Variants in ZNF425 observed in about 807,000 individuals in gnomAD.
ZNF425 encodes the protein zinc finger protein 425.
A neutral mutation model predicts 17.0 loss-of-function variants in ZNF425; 21 were observed. The ratio of observed to expected loss-of-function variants is 1.23; its 90% CI spans 0.88 to 1.78. ZNF425 has a LOEUF of 1.78. Ranked by LOEUF, ZNF425 falls within the 40% of genes most tolerant of loss-of-function variation. ZNF425 has a pLI of 0.00. For missense variants in ZNF425, 868 were observed against 967.3 expected (o/e 0.90, Z 1.36); for synonymous variants, 433 against 384.1 (o/e 1.13, Z -1.49).
intron 1 of ZNF425, among the ~76,000 whole-genome samples, chr7:149,119,391 A>G (rs1826316352): frequency 6.6e-6 from 1 of 152,170 alleles, no homozygotes; most frequent in Admixed American, 6.6e-5. Context: ...TGGCCCAAAA[A>G]TTATTTTTAA....
chr7:149,113,212 A>T (rs1969467), intron 2 of ZNF425: 89,508 of 150,664 alleles, frequency 0.59, 28,054 homozygotes, highest in East Asian at 0.9. Context: ...TGACCTCAAG[A>T]GATCCACCCA....
chr7:149,109,164 G>A lies in ZNF425; in HGVS notation c.304+2973C>T, dbSNP rs181797566. Among the ~76,000 whole-genome samples the A allele has an allele frequency of 1.9e-3, 278 of 149,170 alleles. No individual in the cohort carries two copies. In the Middle Eastern group the frequency reaches 0.021, roughly 11 times the overall value. Reference sequence around the variant, plus strand: ...GCGATCTTGGCTCACTGCAACCTCCGCCTCCCGGGTTCACGCCATTCTCCT... The same window carrying A: ...GCGATCTTGGCTCACTGCAACCTCCACCTCCCGGGTTCACGCCATTCTCCT... On this transcript the variant is annotated intron_variant, in intron 3 of 3. Coordinates refer to ENST00000378061, the MANE Select transcript of ZNF425 (RefSeq NM_001001661.3).
At chr7:149,112,815 C>A (rs1055416880) in intron 2 of ZNF425, among the ~76,000 whole-genome samples, 11 of 150,440 alleles carry the variant, frequency 7.3e-5, no homozygotes, top group South Asian at 2.1e-4. Context: ...TATAGGCATG[C>A]GCCACCATGC....
intron 1 of ZNF425, among the ~76,000 whole-genome samples, chr7:149,124,749 C>T (rs926080295): frequency 6.6e-6 from 1 of 151,940 alleles, no homozygotes; most frequent in Non-Finnish European, 1.5e-5. Context: ...CCATGTTGGT[C>T]AGGCTGGTCT....
intron 3 of ZNF425, among the ~76,000 whole-genome samples, chr7:149,109,937 C>T (rs1182810119): frequency 2.0e-5 from 3 of 149,112 alleles, no homozygotes; most frequent in Non-Finnish European, 3.0e-5. Context: ...AGTGCAATGG[C>T]GCAATCTTGG....
intron 2 of ZNF425, among the ~76,000 whole-genome samples, chr7:149,113,105 T>C (rs1405788675): frequency 1.3e-5 from 2 of 150,090 alleles, no homozygotes; most frequent in Non-Finnish European, 1.5e-5. Flanking sequence ...GCCTCCCGAG[T>C]AGCTGGGATT....
chr7:149,123,099 A>G (rs1585492507), intron 1 of ZNF425, among the ~76,000 whole-genome samples: 1 of 152,318 alleles, frequency 6.6e-6, no homozygotes, highest in East Asian at 1.9e-4. Flanking sequence ...TGTTTCAAAC[A>G]AAATGTCTGC....
At position 149,105,100 on chromosome 7, in the gene ZNF425, C is replaced by G; in HGVS notation, c.771G>C (p.Leu257=). 6.2e-7 allele frequency: 1 copy of G among 1,614,222 alleles called. No individual in the cohort carries two copies. The highest frequency in any genetic ancestry group is 2.2e-5 in the East Asian group (1 of 44,890). The part of the protein sequence containing the change: ...QCSECEKSYF[L]KGSLVTHQVV... ...CCTGATGAGTGACGAGGCTGCCCTTCAGGAAGTAGCTCTTCTCACACTCAC... is the reference window on the plus strand; with the variant it reads ...CCTGATGAGTGACGAGGCTGCCCTTGAGGAAGTAGCTCTTCTCACACTCAC... The change falls in exon 4 of 4, where the codon CTG becomes CTC. Residue 257 remains leucine (L), a synonymous_variant. Coordinates refer to ENST00000378061, the MANE Select transcript of ZNF425 (RefSeq NM_001001661.3).
intron 1 of ZNF425, chr7:149,125,847 T>G: frequency 2.3e-6 from 1 of 426,230 alleles, no homozygotes; most frequent in Non-Finnish European, 4.3e-6. Flanking sequence ...TCCCGAGAGG[T>G]CACCACACAG....
At chr7:149,111,986 T>G in intron 3 of ZNF425, 151 bp downstream of exon 3, 1 of 686,914 alleles carries the variant, frequency 1.5e-6, no homozygotes. Context: ...CCAGCCCACA[T>G]TTGCTACCCT....
chr7:149,117,059 G>A (rs1021658704), intron 2 of ZNF425, among the ~76,000 whole-genome samples: 41 of 151,858 alleles, frequency 2.7e-4, no homozygotes, highest in African/African-American at 9.7e-4. Context: ...TCAGGAGTTC[G>A]AGACCAGCCT....
chr7:149,104,519 A>C lies in ZNF425; in HGVS notation c.1352T>G (p.Phe451Cys), dbSNP rs184779946. The change falls in exon 4 of 4, where the codon TTC becomes TGC. Residue 451 changes from phenylalanine to cysteine, a missense_variant. Physicochemically the swap from Phe to Cys is radical, Grantham distance 205. This residue lies in a region of ZNF425 where 437 missense variants were observed against 444.2 expected (regional missense o/e 0.98). Transcript: ENST00000378061. The surrounding 1 kb of genome is among the most constrained non-coding windows in gnomAD (Gnocchi z 4.3). ...GGCGCGCATGGCGTTCCTCCAGAAGAAGCCCCTGCTGCACTCCGGGCACTG... is the reference window on the plus strand; with the variant it reads ...GGCGCGCATGGCGTTCCTCCAGAAGCAGCCCCTGCTGCACTCCGGGCACTG... ...PFQCPECSRG[F>C]FWRNAMRAHQ... The C allele has an allele frequency of 5.7e-5, 91 of 1,602,988 alleles. 1 individual carries two copies. The highest frequency in any genetic ancestry group is 7.1e-5 in the Non-Finnish European group (83 of 1,175,638).
rs1343327815 is a variant in ZNF425 at position 149,120,481 on chromosome 7, C to T, written c.19-2133G>A. Among the ~76,000 whole-genome samples the T allele has an allele frequency of 2.6e-5, 4 of 152,156 alleles. No homozygotes were observed. The East Asian group carries it at 7.7e-4, about 29-fold the overall frequency. ...CAGCATAATGTCCTTGAGATCCATC[C>T]AAGTTGTCATGTTTACCAATATAGT... On this transcript the variant is annotated intron_variant, in intron 1 of 3. Transcript: ENST00000378061.
intron 1 of ZNF425, among the ~76,000 whole-genome samples, chr7:149,121,978 C>T (rs1315857951): frequency 6.6e-6 from 1 of 151,902 alleles, no homozygotes; most frequent in Non-Finnish European, 1.5e-5. Context: ...TGCAGTGGTG[C>T]AATCGCGGCT....
At position 149,105,387 on chromosome 7, in the gene ZNF425, C is replaced by T. The variant is rs1235127462; in HGVS notation, c.484G>A (p.Ala162Thr). ...AGGTCTTTCTTGTCTGGATCATATG[C>T]TGTGATGCTGACTTTTTTATTTAGA... ...EILNKKVSITAYDPDKKDLRH... is the reference protein window; with the variant it reads ...EILNKKVSITTYDPDKKDLRH... Residue 162 changes from alanine (A) to threonine (T), a missense_variant, in exon 4 of 4, where the codon GCA (alanine) becomes ACA (threonine). This residue lies in a region of ZNF425 where 179 missense variants were observed against 216.3 expected (regional missense o/e 0.83). Transcript: ENST00000378061. The T allele has an allele frequency of 6.3e-7, 1 of 1,590,624 alleles. No individual in the cohort carries two copies. Among genetic ancestry groups the T allele is most frequent in the Non-Finnish European group, 8.5e-7 (1 of 1,171,264 alleles).
At position 149,105,561 on chromosome 7, in the gene ZNF425, C is replaced by G; in HGVS notation, c.310G>C (p.Glu104Gln). ...TCTTCTTTTGTCCTGGGAGTTCCTT[C>G]GTCATCTGGAGCAGAAAGAAGTATC... Reference protein sequence around the residue: ...NTGKLLCFDDEGTPRTKEEDC... With the variant: ...NTGKLLCFDDQGTPRTKEEDC... Residue 104 changes from glutamate to glutamine, a missense_variant, in exon 4 of 4, where the codon GAA (glutamate) becomes CAA (glutamine). By Grantham distance (29) the Glu-to-Gln change is conservative. This residue lies in a region of ZNF425 where 179 missense variants were observed against 216.3 expected (regional missense o/e 0.83). Transcript: ENST00000378061. The G allele has an allele frequency of 5.3e-6, 8 of 1,506,176 alleles. No individual in the cohort carries two copies. The highest frequency in any genetic ancestry group is 7.1e-6 in the Non-Finnish European group (8 of 1,131,926). 93.3% of individuals were successfully genotyped at this position (1,506,176 alleles called of 1,614,324 possible). A position where few individuals can be genotyped will look rare whatever the true frequency, so the allele number is the denominator to read the frequency against.
intron 3 of ZNF425, among the ~76,000 whole-genome samples, chr7:149,107,680 G>A (rs1031625527): frequency 1.3e-5 from 2 of 151,832 alleles, no homozygotes; most frequent in African/African-American, 4.8e-5. Flanking sequence ...TGTTCCCAAA[G>A]TAGAAGACAT....
At chr7:149,125,037 C>G (rs996538430) in intron 1 of ZNF425, among the ~76,000 whole-genome samples, 14 of 152,016 alleles carry the variant, frequency 9.2e-5, no homozygotes, top group African/African-American at 1.9e-4. Flanking sequence ...TTTCCCAGAA[C>G]AGAGAGGAAT....
intron 1 of ZNF425, 169 bp downstream of exon 1, chr7:149,126,027 G>A (rs1240399101): frequency 9.5e-6 from 13 of 1,361,802 alleles, no homozygotes; most frequent in Non-Finnish European, 5.1e-6. Flanking sequence ...AACAGCACAC[G>A]CAGCAAGACT....
Sources: allele counts gnomAD v4.1 joint callset (sites outside exome capture counted in the v4.1 genomes callset), GRCh38; gene constraint gnomAD v4.1.1; regional missense constraint gnomAD v4.1.1; non-coding constraint Gnocchi (gnomAD v3.1); transcripts MANE v1.5; gene names NCBI Gene and HGNC (gene_info 2026-07-23, HGNC 2026-07-21).